Variants in SH2D4A observed in about 807,000 individuals in gnomAD.
SH2D4A encodes SH2 domain containing 4A, also known as SH2 domain-containing protein 4A.
In SH2D4A, 70 loss-of-function variants were observed where a neutral mutation model predicts 64.7. The observed-to-expected ratio is 1.08, with a 90% CI of 0.89 to 1.32. The LOEUF is 1.32. Ranked by LOEUF, SH2D4A falls within the 40% of genes most tolerant of loss-of-function variation. SH2D4A has a pLI of 0.00. For missense variants in SH2D4A, 706 were observed against 540.1 expected (o/e 1.31, Z -3.04); for synonymous variants, 268 against 200.7 (o/e 1.34, Z -2.83).
chr8:19,317,989 C>T (rs1465774226), intron 1 of SH2D4A, among the ~76,000 whole-genome samples: 5 of 152,112 alleles, frequency 3.3e-5, no homozygotes, highest in African/African-American at 7.2e-5. Context: ...GCAACCTCTG[C>T]GTCCTAGGTT....
At chr8:19,384,954 C>T (rs777139788) in intron 8 of SH2D4A, among the ~76,000 whole-genome samples, 1 of 152,124 alleles carries the variant, frequency 6.6e-6, no homozygotes, top group East Asian at 1.9e-4. Flanking sequence ...CACATATTTG[C>T]TTTATGTATC....
chr8:19,314,289 C>T (rs2052047778), intron 1 of SH2D4A, among the ~76,000 whole-genome samples: 1 of 152,200 alleles, frequency 6.6e-6, no homozygotes, highest in African/African-American at 2.4e-5. Flanking sequence ...ACGTCCTCGA[C>T]TTGCGCATGG....
chr8:19,365,723 G>T (rs2052982217), intron 7 of SH2D4A, among the ~76,000 whole-genome samples: 1 of 152,120 alleles, frequency 6.6e-6, no homozygotes, highest in Non-Finnish European at 1.5e-5. Flanking sequence ...AGTGCTTTTT[G>T]TGAGTCAGAC....
At position 19,395,318 on chromosome 8, in the gene SH2D4A, G is replaced by A. The variant is rs1385083252; in HGVS notation, c.*676G>A. On this transcript the variant is annotated 3_prime_UTR_variant, in exon 10 of 10. Transcript: ENST00000265807. ...TGGCCTCCCCTGGATATACTCTATA[G>A]TGCACCAAAAGGATAAAGCATCTGT... 1 of 152,184 alleles carries A rather than the reference G, an allele frequency of 6.6e-6. No homozygotes were observed. Among genetic ancestry groups the A allele is most frequent in the African/African-American group, 2.4e-5 (1 of 41,444 alleles). The allele number at this position is 152,184 out of a possible 1,614,324, so 9.4% of individuals were successfully genotyped here. A position where few individuals can be genotyped will look rare whatever the true frequency, so the allele number is the denominator to read the frequency against.
At position 19,361,209 on chromosome 8, in the gene SH2D4A, G is replaced by T; in HGVS notation, c.601G>T (p.Glu201Ter). 6.7e-7 allele frequency: 1 copy of T among 1,485,652 alleles called. No homozygotes were observed. Among genetic ancestry groups the T allele is most frequent in the Non-Finnish European group, 9.3e-7 (1 of 1,078,094 alleles). 92.0% of individuals were successfully genotyped at this position (1,485,652 alleles called of 1,614,324 possible). Reference protein sequence around the residue: ...MKAYAFHQKKESMKKKQDEEI... With the variant: ...MKAYAFHQKK Reference sequence around the variant, plus strand: ...TTGTTTTGTTTTTAAACAGAAGAAAGAATCTATGAAGAAAAAACAAGATGA... The same window carrying T: ...TTGTTTTGTTTTTAAACAGAAGAAATAATCTATGAAGAAAAAACAAGATGA... The change falls in exon 6 of 10, where the codon GAA (glutamate) becomes TAA (stop). Residue 201 changes from glutamate (E) to a stop codon, truncating the protein, a stop_gained. Transcript: ENST00000265807. LOFTEE classifies it high-confidence loss of function.
chr8:19,343,501 A>G (rs1441493110), intron 4 of SH2D4A, among the ~76,000 whole-genome samples: 5 of 152,168 alleles, frequency 3.3e-5, no homozygotes, highest in Non-Finnish European at 7.3e-5. Flanking sequence ...GTGGAAAAAA[A>G]AAGATTAGGT....
chr8:19,376,360 G>T (rs578063848), intron 8 of SH2D4A, among the ~76,000 whole-genome samples: 2 of 152,134 alleles, frequency 1.3e-5, no homozygotes, highest in Non-Finnish European at 2.9e-5. Context: ...AGTGGCTCAT[G>T]TCTATAATCA....
chr8:19,358,290 A>T (rs1224048963), intron 5 of SH2D4A, among the ~76,000 whole-genome samples: 1 of 152,212 alleles, frequency 6.6e-6, no homozygotes, highest in Non-Finnish European at 1.5e-5. Flanking sequence ...GACACATTTT[A>T]TGAAAAAATC....
At chr8:19,341,677 T>C (rs2052531133) in intron 4 of SH2D4A, among the ~76,000 whole-genome samples, 1 of 151,900 alleles carries the variant, frequency 6.6e-6, no homozygotes, top group Non-Finnish European at 1.5e-5. Context: ...ACCCTGTCTC[T>C]ATAAAAAACA....
intron 2 of SH2D4A, among the ~76,000 whole-genome samples, chr8:19,325,485 G>A (rs1265625335): frequency 6.6e-6 from 1 of 152,156 alleles, no homozygotes; most frequent in African/African-American, 2.4e-5. Flanking sequence ...CTGGCCCTGA[G>A]CCCCACTTTT....
At chr8:19,377,080 TA>T (rs1443861367) in intron 8 of SH2D4A, among the ~76,000 whole-genome samples, 1 of 152,182 alleles carries the variant, frequency 6.6e-6, no homozygotes, top group African/African-American at 2.4e-5. Context: ...CTGTTTTTCT[TA>T]AGAAGTAAAA....
chr8:19,327,568 C>T (rs997429095), intron 2 of SH2D4A, among the ~76,000 whole-genome samples: 8 of 152,194 alleles, frequency 5.3e-5, no homozygotes, highest in African/African-American at 1.9e-4. Context: ...CCTGCACCTC[C>T]TTCTATCCAT....
At chr8:19,325,971 C>A (rs1381524357) in intron 2 of SH2D4A, among the ~76,000 whole-genome samples, 1 of 152,160 alleles carries the variant, frequency 6.6e-6, no homozygotes, top group African/African-American at 2.4e-5. Flanking sequence ...AACATGATGG[C>A]AACTTCACAT....
chr8:19,352,300 G>C (rs967361227), intron 4 of SH2D4A, among the ~76,000 whole-genome samples: 1 of 152,154 alleles, frequency 6.6e-6, no homozygotes, highest in Admixed American at 6.5e-5. Flanking sequence ...AAGTTTAACG[G>C]TAGTTATTAT....
Position 19,395,512 on chromosome 8 carries a change from A to G in SH2D4A, c.*870A>G, listed in dbSNP as rs1336991298. ...TTGGAAATAGGGTCTTTGCAGATATAGTCAAGATGAGGTCACATTGGATTA... is the reference window on the plus strand; with the variant it reads ...TTGGAAATAGGGTCTTTGCAGATATGGTCAAGATGAGGTCACATTGGATTA... On this transcript the variant is annotated 3_prime_UTR_variant, in exon 10 of 10. Coordinates refer to ENST00000265807, the MANE Select transcript of SH2D4A (RefSeq NM_022071.4). The G allele has an allele frequency of 2.6e-5, 4 of 152,208 alleles. 1 individual carries two copies. The highest frequency in any genetic ancestry group is 5.9e-5 in the Non-Finnish European group (4 of 68,058). 9.4% of individuals were successfully genotyped at this position (152,208 alleles called of 1,614,324 possible).
intron 2 of SH2D4A, among the ~76,000 whole-genome samples, chr8:19,332,376 C>G (rs1056189960): frequency 2.0e-5 from 3 of 152,180 alleles, no homozygotes; most frequent in Non-Finnish European, 4.4e-5. Flanking sequence ...TGACTCACAC[C>G]TGTAATCCCA....
intron 8 of SH2D4A, among the ~76,000 whole-genome samples, chr8:19,391,331 G>A (rs1168063954): frequency 6.6e-6 from 1 of 152,180 alleles, no homozygotes; most frequent in African/African-American, 2.4e-5. Context: ...ACCTCATGGG[G>A]ATAGTGGAGC....
chr8:19,389,660 C>T (rs545622349), intron 8 of SH2D4A, among the ~76,000 whole-genome samples: 1 of 152,186 alleles, frequency 6.6e-6, no homozygotes, highest in Non-Finnish European at 1.5e-5. Context: ...ACTCTAAAAT[C>T]AACAGACTGT....
intron 2 of SH2D4A, among the ~76,000 whole-genome samples, chr8:19,329,101 G>A (rs559585816): frequency 4.4e-4 from 67 of 152,272 alleles, no homozygotes; most frequent in Admixed American, 7.8e-4. Flanking sequence ...ATGGCTGCCT[G>A]CTGATTCCCT....
Sources: allele counts gnomAD v4.1 joint callset (sites outside exome capture counted in the v4.1 genomes callset), GRCh38; gene constraint gnomAD v4.1.1; transcripts MANE v1.5; gene names NCBI Gene and HGNC (gene_info 2026-07-23, HGNC 2026-07-21).